The following GVQW3 variants were observed in gnomAD, a reference collection of about 807,000 sequenced individuals.
GVQW3 encodes the protein GVQW motif containing 3, also known as protein GVQW3.
GVQW3 carries 7 observed loss-of-function variants against 12.5 expected under a neutral mutation model. That is an observed-to-expected ratio of 0.56 (90% CI 0.32 to 1.05). The LOEUF (loss-of-function observed/expected upper bound fraction) is 1.05. GVQW3 is among the 50% of genes least tolerant of loss of function. The pLI, the probability that GVQW3 is intolerant of heterozygous loss-of-function variation, is 0.04. For missense variants in GVQW3, 188 were observed against 190.8 expected (o/e 0.99, Z 0.09); for synonymous variants, 71 against 67.2 (o/e 1.06, Z -0.28).
rs1221243151 is a variant in GVQW3 at position 76,400,017 on chromosome 11, AC to A, written c.466-3642del. On this transcript the variant is annotated intron_variant, in intron 1 of 1. Transcript: ENST00000529331. ...TCTCTCTCTCTGTATACACACACAC[AC>A]ACACACACACACACACACACACACA... Among the ~76,000 whole-genome samples the A allele has an allele frequency of 5.4e-3, 800 of 147,960 alleles. 6 individuals are homozygous for A. The highest frequency in any genetic ancestry group is 0.017 in the African/African-American group (685 of 39,572).
chr11:76,399,677 A>G (rs1245358245), intron 1 of GVQW3, among the ~76,000 whole-genome samples: 1 of 152,172 alleles, frequency 6.6e-6, no homozygotes, highest in Non-Finnish European at 1.5e-5. Context: ...CAGTTGTTGA[A>G]GGCTTGGATG....
rs1176674900 is a variant in GVQW3 at position 76,404,294 on chromosome 11, T to G, written c.*536T>G. 3.4e-6 allele frequency: 1 copy of G among 291,564 alleles called. No homozygotes were observed. Among genetic ancestry groups the G allele is most frequent in the Non-Finnish European group, 6.3e-6 (1 of 159,150 alleles). The allele number at this position is 291,564 out of a possible 1,614,324, so 18.1% of individuals were successfully genotyped here. ...TAAGAAAACTGAAGCTCAGAAAGGT[T>G]GTCTAAACTGCCAAAGCCATAGAAC... On this transcript the variant is annotated 3_prime_UTR_variant, in exon 2 of 2. Coordinates refer to ENST00000529331, the MANE Select transcript of GVQW3 (RefSeq NM_001347885.2).
At chr11:76,388,316 G>A (rs778565888) in intron 1 of GVQW3, among the ~76,000 whole-genome samples, 93 of 152,310 alleles carry the variant, frequency 6.1e-4, no homozygotes, top group Non-Finnish European at 1.2e-3. Context: ...AGATACATAT[G>A]TGTATTTGCA....
At chr11:76,394,036 T>C (rs1407118001) in intron 1 of GVQW3, among the ~76,000 whole-genome samples, 8 of 152,038 alleles carry the variant, frequency 5.3e-5, no homozygotes, top group Admixed American at 5.2e-4. Context: ...GTAGCTGGCA[T>C]TACAGGTGCA....
Position 76,404,941 on chromosome 11 carries a change from G to C in GVQW3, c.*1183G>C, listed in dbSNP as rs1384785955. ...TTGGGGACTTTAATGAGTGTAAATAGCTACCCTTTATTGAGCATTGTTTAT... is the reference window on the plus strand; with the variant it reads ...TTGGGGACTTTAATGAGTGTAAATACCTACCCTTTATTGAGCATTGTTTAT... On this transcript the variant is annotated 3_prime_UTR_variant, in exon 2 of 2. Coordinates refer to ENST00000529331, the MANE Select transcript of GVQW3 (RefSeq NM_001347885.2). 3 of 152,214 alleles carry C rather than the reference G, an allele frequency of 2.0e-5. No homozygotes were observed. Among genetic ancestry groups the C allele is most frequent in the African/African-American group, 7.2e-5 (3 of 41,444 alleles). 9.4% of individuals were successfully genotyped at this position (152,214 alleles called of 1,614,324 possible).
intron 1 of GVQW3, chr11:76,394,975 A>C (rs1336814123): frequency 6.6e-6 from 1 of 152,182 alleles, no homozygotes; most frequent in Non-Finnish European, 1.5e-5. Context: ...TGTTTGCAGG[A>C]TGTTTTTCTT....
intron 1 of GVQW3, among the ~76,000 whole-genome samples, chr11:76,396,161 T>C (rs1946937556): frequency 6.6e-6 from 1 of 152,198 alleles, no homozygotes; most frequent in Admixed American, 6.5e-5. Flanking sequence ...ACTTTTCCTT[T>C]TATCATTATC....
rs1213764277 is a variant in GVQW3, at chr11:76,406,765, T to TTA, written c.*3008_*3009dup. 5 of 152,310 alleles carry TTA rather than the reference T, an allele frequency of 3.3e-5. No individual in the cohort carries two copies. Among genetic ancestry groups the TTA allele is most frequent in the African/African-American group, 1.2e-4 (5 of 41,556 alleles). 9.4% of individuals were successfully genotyped at this position (152,310 alleles called of 1,614,324 possible). A position where few individuals can be genotyped will look rare whatever the true frequency, so the allele number is the denominator to read the frequency against. On this transcript the variant is annotated 3_prime_UTR_variant, in exon 2 of 2. Coordinates refer to ENST00000529331, the MANE Select transcript of GVQW3 (RefSeq NM_001347885.2). ...GGCTCACGCCTGTAATCCCAGCACT[T>TTA]TAGGAGGCCAAGGCGGGTCGATCAC... is the stretch of plus-strand genomic sequence containing the variant.
downstream of GVQW3, chr11:76,408,639 C>T (rs921243845): frequency 6.6e-6 from 1 of 152,170 alleles, no homozygotes; most frequent in African/African-American, 2.4e-5. Flanking sequence ...AAACAGTTCC[C>T]CCTTATTTGC....
At position 76,381,974 on chromosome 11, in the gene GVQW3, G is replaced by T; in HGVS notation, c.146G>T (p.Arg49Met). The T allele has an allele frequency of 2.0e-6, 3 of 1,536,368 alleles. No homozygotes were observed. Among genetic ancestry groups the T allele is most frequent in the Non-Finnish European group, 2.6e-6 (3 of 1,146,964 alleles). The change falls in exon 1 of 2, where the codon AGG becomes ATG. Residue 49 changes from arginine to methionine, a missense_variant. Physicochemically the swap from Arg to Met is moderately conservative, Grantham distance 91. Transcript: ENST00000529331. ...GCCAGAGTTTTTGACTGGCACAAAA[G>T]GTTTAAAGAAGGACGGGAAGATGTT... ...SRARVFDWHK[R>M]FKEGREDVRD...
chr11:76,414,144 A>T (rs1207203527), exon 2 of GVQW3: 1 of 152,102 alleles, frequency 6.6e-6, no homozygotes, highest in Non-Finnish European at 1.5e-5. Flanking sequence ...TCTATGGGAC[A>T]ATTCATTGTT....
intron 1 of GVQW3, among the ~76,000 whole-genome samples, chr11:76,395,252 T>C (rs1300181027): frequency 6.6e-6 from 1 of 152,220 alleles, no homozygotes; most frequent in Non-Finnish European, 1.5e-5. Flanking sequence ...AACATCTTCA[T>C]CACACTAAAA....
intron 1 of GVQW3, among the ~76,000 whole-genome samples, chr11:76,398,941 A>G (rs1281005613): frequency 1.3e-5 from 2 of 152,128 alleles, no homozygotes; most frequent in African/African-American, 4.8e-5. Context: ...CTTTGAAGAT[A>G]TTATCCTACT....
At chr11:76,383,787 AAAAAG>A (rs1946804139) in intron 1 of GVQW3, 1 of 152,142 alleles carries the variant, frequency 6.6e-6, no homozygotes, top group Non-Finnish European at 1.5e-5. Flanking sequence ...CAAAAAAAAA[AAAAAG>A]GAATTAGAAA....
chr11:76,390,936 G>A (rs1946885967), intron 1 of GVQW3, among the ~76,000 whole-genome samples: 1 of 152,110 alleles, frequency 6.6e-6, no homozygotes, highest in African/African-American at 2.4e-5. Context: ...ACAACACCTG[G>A]CATGGAGTAC....
intron 1 of GVQW3, among the ~76,000 whole-genome samples, chr11:76,390,933 C>G (rs1032869250): frequency 1.8e-4 from 28 of 152,124 alleles, no homozygotes; most frequent in Admixed American, 1.3e-3. Context: ...AGCACAACAC[C>G]TGGCATGGAG....
At chr11:76,413,305 A>C (rs1399519193) in exon 2 of GVQW3, 3 of 152,206 alleles carry the variant, frequency 2.0e-5, no homozygotes, top group African/African-American at 7.2e-5. Flanking sequence ...AGACTGAAAA[A>C]ATATGCCAGG....
intron 1 of GVQW3, among the ~76,000 whole-genome samples, chr11:76,390,571 C>T (rs1946881665): frequency 6.6e-6 from 1 of 152,188 alleles, no homozygotes; most frequent in Non-Finnish European, 1.5e-5. Context: ...CACGGTGGCT[C>T]ACGCCTGTAA....
At chr11:76,388,522 T>TGG (rs1373748833) in intron 1 of GVQW3, among the ~76,000 whole-genome samples, 1 of 152,022 alleles carries the variant, frequency 6.6e-6, no homozygotes, top group Non-Finnish European at 1.5e-5. Flanking sequence ...AACTAAACCC[T>TGG]ACAGCTGCTG....
Sources: allele counts gnomAD v4.1 joint callset (sites outside exome capture counted in the v4.1 genomes callset), GRCh38; gene constraint gnomAD v4.1.1; transcripts MANE v1.5; gene names NCBI Gene and HGNC (gene_info 2026-07-23, HGNC 2026-07-21).